MEGF11: variants seen among roughly 807,000 people sequenced by gnomAD.
MEGF11 encodes multiple epidermal growth factor-like domains protein 11.
A neutral mutation model predicts 146.6 loss-of-function variants in MEGF11; 126 were observed. The ratio of observed to expected loss-of-function variants is 0.86; its 90% CI spans 0.74 to 1.00. The LOEUF (loss-of-function observed/expected upper bound fraction) is 1.00. Ranked by LOEUF, MEGF11 falls within the 50% of genes least tolerant of loss-of-function variation. MEGF11 has a pLI of 0.00. For missense variants in MEGF11, 1,509 were observed against 1,521.2 expected, an observed-to-expected ratio of 0.99 and a Z score of 0.13; for synonymous variants, 532 against 583.4, an observed-to-expected ratio of 0.91 and a Z score of 1.27.
At chr15:65,996,484 T>G (rs1266811826) in intron 5 of MEGF11, among the ~76,000 whole-genome samples, 1 of 4,344 alleles carries the variant, frequency 2.3e-4, no homozygotes, top group Non-Finnish European at 3.1e-3. Flanking sequence ...CTAGCACACT[T>G]TTTTTTTTTT....
At chr15:66,213,560 A>G (rs1409344172) in intron 1 of MEGF11, among the ~76,000 whole-genome samples, 1 of 150,440 alleles carries the variant, frequency 6.6e-6, no homozygotes, top group African/African-American at 2.5e-5. Context: ...TGCATGATAT[A>G]TCTCCTTTTC....
chr15:66,033,737 C>T (rs2083618712), intron 5 of MEGF11, among the ~76,000 whole-genome samples: 1 of 152,226 alleles, frequency 6.6e-6, no homozygotes, highest in South Asian at 2.1e-4. Flanking sequence ...TATTCTCCAG[C>T]TTTAAGACCA....
chr15:66,169,010 T>C (rs539126434), intron 1 of MEGF11, among the ~76,000 whole-genome samples: 1 of 152,206 alleles, frequency 6.6e-6, no homozygotes, highest in South Asian at 2.1e-4. Context: ...AAAATAAAAG[T>C]CACCTGTTTC....
At chr15:66,163,126 G>A (rs772249945) in intron 1 of MEGF11, among the ~76,000 whole-genome samples, 110 of 152,254 alleles carry the variant, frequency 7.2e-4, no homozygotes, top group Non-Finnish European at 1.3e-3. Context: ...TACGGTTACC[G>A]CCACACCCAT....
In MEGF11 at chr15:65,913,911, G is replaced by T. The variant is rs781301173; in HGVS notation, c.2536C>A (p.Arg846=). ...CCTGTGACAGCACCCACCGAGTGCC[G>T]CTCTGCACCCAGTGCTGGGCTGATC... ...TKISPALGAE[R]HSVGAVTGIM... is the part of the protein sequence containing the mutation. Residue 846 remains arginine, a synonymous_variant, in exon 20 of 26, where the codon CGG becomes AGG. Transcript: ENST00000395614. 3 of 1,613,982 alleles carry T rather than the reference G, an allele frequency of 1.9e-6. No individual in the cohort carries two copies. The highest frequency in any genetic ancestry group is 2.2e-5 in the East Asian group (1 of 44,888).
At chr15:66,007,907 G>C (rs2082569449) in intron 5 of MEGF11, among the ~76,000 whole-genome samples, 1 of 152,232 alleles carries the variant, frequency 6.6e-6, no homozygotes, top group Non-Finnish European at 1.5e-5. Flanking sequence ...TTGGGTATTG[G>C]AAAGAAGCAT....
chr15:66,021,926 C>G (rs189668460), intron 5 of MEGF11, among the ~76,000 whole-genome samples: 1 of 152,132 alleles, frequency 6.6e-6, no homozygotes, highest in South Asian at 2.1e-4. Flanking sequence ...GGATGACTTG[C>G]GGCTAGAGCT....
chr15:66,089,731 T>C (rs962068446), intron 5 of MEGF11, among the ~76,000 whole-genome samples: 1 of 152,238 alleles, frequency 6.6e-6, no homozygotes, highest in Non-Finnish European at 1.5e-5. Context: ...CATTTCCCAG[T>C]GCGGAAATAA....
chr15:66,165,292 C>T (rs1431095248), intron 1 of MEGF11, among the ~76,000 whole-genome samples: 1 of 152,116 alleles, frequency 6.6e-6, no homozygotes, highest in Admixed American at 6.5e-5. Context: ...TCAGGTCTGT[C>T]ATCTGGGAAA....
chr15:66,143,747 C>T (rs1419877931), intron 1 of MEGF11, among the ~76,000 whole-genome samples: 1 of 152,182 alleles, frequency 6.6e-6, no homozygotes, highest in African/African-American at 2.4e-5. Flanking sequence ...TTTCACCAGC[C>T]CTGTCTCCCC....
At chr15:66,102,153 A>G (rs1421688054) in intron 4 of MEGF11, among the ~76,000 whole-genome samples, 1 of 62,846 alleles carries the variant, frequency 1.6e-5, no homozygotes, top group Non-Finnish European at 3.6e-5. Flanking sequence ...TTCGGGCCCC[A>G]GATCTGCTCG....
intron 15 of MEGF11, 97 bp from the exon 16 acceptor site, chr15:65,918,191 T>C: frequency 6.4e-7 from 1 of 1,554,924 alleles, no homozygotes; most frequent in Non-Finnish European, 8.7e-7. Context: ...GCCACAGCCA[T>C]GATCACCCAG....
At chr15:65,997,565 G>A (rs758570498) in intron 5 of MEGF11, among the ~76,000 whole-genome samples, 16 of 151,980 alleles carry the variant, frequency 1.1e-4, no homozygotes, top group Admixed American at 6.6e-4. Flanking sequence ...TCTTTAAAGC[G>A]CTTATTCTAT....
intron 4 of MEGF11, among the ~76,000 whole-genome samples, chr15:66,114,669 G>A (rs1452945249): frequency 6.6e-6 from 1 of 152,172 alleles, no homozygotes; most frequent in Non-Finnish European, 1.5e-5. Context: ...AAGGCAGGCA[G>A]GCACTTCTGC....
At chr15:66,191,133 G>C (rs187770660) in intron 1 of MEGF11, among the ~76,000 whole-genome samples, 112 of 152,220 alleles carry the variant, frequency 7.4e-4, no homozygotes, top group African/African-American at 2.6e-3. Context: ...AAGGAACACA[G>C]TAGATTCACT....
At chr15:66,160,887 G>A (rs1315819937) in intron 1 of MEGF11, among the ~76,000 whole-genome samples, 2 of 152,184 alleles carry the variant, frequency 1.3e-5, no homozygotes, top group African/African-American at 4.8e-5. Context: ...AGCTTAAACA[G>A]AGTGGCCTGG....
intron 5 of MEGF11, among the ~76,000 whole-genome samples, chr15:66,063,604 T>C (rs1309409349): frequency 1.3e-5 from 2 of 152,196 alleles, no homozygotes; most frequent in African/African-American, 2.4e-5. Context: ...CAAGTCTTCA[T>C]TGTAAGTCTT....
intron 1 of MEGF11, among the ~76,000 whole-genome samples, chr15:66,145,812 G>A (rs1426105340): frequency 3.9e-5 from 6 of 152,140 alleles, no homozygotes; most frequent in Non-Finnish European, 7.4e-5. Flanking sequence ...GAGTGACTCC[G>A]GACAAATGAC....
intron 5 of MEGF11, among the ~76,000 whole-genome samples, chr15:66,045,359 GGA>G (rs1029386841): frequency 1.3e-5 from 2 of 152,208 alleles, no homozygotes; most frequent in Admixed American, 1.3e-4. Context: ...AGGCTTGGCA[GGA>G]GAGAGGGGAG....
Sources: allele counts gnomAD v4.1 joint callset (sites outside exome capture counted in the v4.1 genomes callset), GRCh38; gene constraint gnomAD v4.1.1; transcripts MANE v1.5; gene names NCBI Gene and HGNC (gene_info 2026-07-23, HGNC 2026-07-21).